Variants in DPP10 observed in about 807,000 individuals in gnomAD.
DPP10 encodes inactive dipeptidyl peptidase 10.
DPP10 carries 33 observed loss-of-function variants against 120.9 expected under a neutral mutation model. The ratio of observed to expected loss-of-function variants is 0.27; its 90% confidence interval spans 0.21 to 0.37. The LOEUF (loss-of-function observed/expected upper bound fraction) is 0.37. DPP10 is among the 10% of genes least tolerant of loss of function. The pLI is 1.00. For missense variants in DPP10, 816 were observed against 942.8 expected, an observed-to-expected ratio of 0.87 and a Z score of 1.76; for synonymous variants, 337 against 326.1, an observed-to-expected ratio of 1.03 and a Z score of -0.36.
At chr2:115,454,739 A>T (rs2073387924) in intron 3 of DPP10, among the ~76,000 whole-genome samples, 2 of 151,716 alleles carry the variant, frequency 1.3e-5, no homozygotes, top group African/African-American at 2.4e-5. Flanking sequence ...TAAAAAGGAA[A>T]AAAAAGCAAT....
chr2:114,912,688 C>G (rs1694457818), intron 1 of DPP10, among the ~76,000 whole-genome samples: 1 of 152,090 alleles, frequency 6.6e-6, no homozygotes, highest in Non-Finnish European at 1.5e-5. Context: ...TTGCTGAGCA[C>G]CAGGACTCAT....
intron 1 of DPP10, among the ~76,000 whole-genome samples, chr2:114,950,542 G>A (rs923998118): frequency 1.3e-5 from 2 of 151,312 alleles, no homozygotes; most frequent in African/African-American, 2.4e-5. Flanking sequence ...CCTGACCTGT[G>A]ATCTGCCCTC....
At chr2:114,906,243 G>C (rs1173384375) in intron 1 of DPP10, among the ~76,000 whole-genome samples, 1 of 151,984 alleles carries the variant, frequency 6.6e-6, no homozygotes, top group Admixed American at 6.6e-5. Flanking sequence ...AATTATTCCA[G>C]TGTGGTGGTG....
At chr2:115,619,557 G>A (rs1398834027) in intron 5 of DPP10, among the ~76,000 whole-genome samples, 1 of 152,052 alleles carries the variant, frequency 6.6e-6, no homozygotes, top group Non-Finnish European at 1.5e-5. Flanking sequence ...TACACTTACG[G>A]TTTCCTGACT....
chr2:114,451,946 G>C (rs144413898), intron 1 of DPP10, among the ~76,000 whole-genome samples: 43 of 152,202 alleles, frequency 2.8e-4, no homozygotes, highest in African/African-American at 1.0e-3. Flanking sequence ...AGAACAAAAG[G>C]TTTGTTCATT....
At chr2:114,704,559 C>A (rs1700574696) in intron 1 of DPP10, among the ~76,000 whole-genome samples, 1 of 152,180 alleles carries the variant, frequency 6.6e-6, no homozygotes, top group Non-Finnish European at 1.5e-5. Flanking sequence ...AGATTTCAAC[C>A]ATTTGCAGGG....
intron 1 of DPP10, among the ~76,000 whole-genome samples, chr2:115,046,822 T>C (rs1188347781): frequency 6.6e-6 from 1 of 152,096 alleles, no homozygotes; most frequent in African/African-American, 2.4e-5. Flanking sequence ...CAGGAAGTTA[T>C]TATACATCAA....
chr2:115,011,274 A>G (rs1345156303), intron 1 of DPP10, among the ~76,000 whole-genome samples: 1 of 152,178 alleles, frequency 6.6e-6, no homozygotes, highest in East Asian at 1.9e-4. Flanking sequence ...GGGGTGTTCC[A>G]GAAATGTCAA....
At chr2:115,608,617 A>C (rs2083873225) in intron 5 of DPP10, among the ~76,000 whole-genome samples, 3 of 152,296 alleles carry the variant, frequency 2.0e-5, no homozygotes, top group South Asian at 4.1e-4. Flanking sequence ...ATCATTCCTC[A>C]AACTATGTGA....
At chr2:115,156,257 G>C (rs1275140645) in intron 1 of DPP10, among the ~76,000 whole-genome samples, 1 of 152,180 alleles carries the variant, frequency 6.6e-6, no homozygotes, top group East Asian at 1.9e-4. Context: ...AGGAACCCAA[G>C]GACTTGGCCT....
Position 115,542,205 on chromosome 2 carries a change from C to T in DPP10, c.441+16233C>T, listed in dbSNP as rs147363012. The stretch of plus-strand genomic sequence containing the variant: ...ATACAGAACTGCTCTGTCACCACAA[C>T]GAAAATCTCTTTTGCTTCCCCTTTA... On this transcript the variant is annotated intron_variant, in intron 5 of 25. Coordinates refer to ENST00000410059, the MANE Select transcript of DPP10 (RefSeq NM_020868.6). 1.8e-4 allele frequency among the ~76,000 whole-genome samples: 27 copies of T among 151,994 alleles called. No homozygotes were observed. The East Asian group carries it at 1.9e-3, about 11-fold the overall frequency.
intron 1 of DPP10, among the ~76,000 whole-genome samples, chr2:114,501,933 CTTTTT>C (rs34369425): frequency 5.3e-5 from 5 of 94,048 alleles, no homozygotes; most frequent in African/African-American, 1.1e-4. Flanking sequence ...ATTGATATTC[CTTTTT>C]TTTTTTTTTT....
At chr2:114,589,600 C>A (rs1691290131) in intron 1 of DPP10, among the ~76,000 whole-genome samples, 1 of 152,126 alleles carries the variant, frequency 6.6e-6, no homozygotes, top group Admixed American at 6.5e-5. Flanking sequence ...CTGCTACAGA[C>A]TCTAAAAACC....
At position 114,777,404 on chromosome 2, in the gene DPP10, G is replaced by A. The variant is rs568794846; in HGVS notation, c.60+334566G>A. 4.8e-4 allele frequency among the ~76,000 whole-genome samples: 73 copies of A among 152,066 alleles called. 1 individual carries two copies. The highest frequency in any genetic ancestry group is 3.4e-3 in the Middle Eastern group (1 of 294). On this transcript the variant is annotated intron_variant, in intron 1 of 25. Coordinates refer to ENST00000410059, the MANE Select transcript of DPP10 (RefSeq NM_020868.6). ...TACATTTCTGAAGAGGGTTTTCAGG[G>A]CCCTTTTTTGAGTATTACTTTTGGA...
At chr2:115,516,426 C>T (rs2077505255) in intron 4 of DPP10, among the ~76,000 whole-genome samples, 1 of 151,980 alleles carries the variant, frequency 6.6e-6, no homozygotes, top group Non-Finnish European at 1.5e-5. Flanking sequence ...GATATCTCTG[C>T]TTATCAAAAG....
chr2:114,865,245 C>T (rs1690131756), intron 1 of DPP10, among the ~76,000 whole-genome samples: 1 of 152,056 alleles, frequency 6.6e-6, no homozygotes, highest in Admixed American at 6.6e-5. Context: ...GGCATTAAGC[C>T]CTGAATATTT....
At chr2:115,299,382 C>T (rs1036112258) in intron 1 of DPP10, among the ~76,000 whole-genome samples, 3 of 151,760 alleles carry the variant, frequency 2.0e-5, no homozygotes, top group Non-Finnish European at 4.4e-5. Context: ...TCACAGGAGC[C>T]AAGAAAATGT....
intron 1 of DPP10, among the ~76,000 whole-genome samples, chr2:114,562,822 C>G (rs1421727126): frequency 6.6e-6 from 1 of 152,062 alleles, no homozygotes; most frequent in African/African-American, 2.4e-5. Context: ...TGTAACCTTT[C>G]CAAATTGAGT....
chr2:115,110,805 T>C (rs2049178034), intron 1 of DPP10, among the ~76,000 whole-genome samples: 8 of 152,156 alleles, frequency 5.3e-5, no homozygotes, highest in Admixed American at 4.6e-4. Context: ...CTTTAGATAG[T>C]ATCATTTTAT....
Sources: gnomAD v4.1 joint callset for allele counts (sites outside exome capture counted in the v4.1 genomes callset) on GRCh38, gnomAD v4.1.1 for gene constraint, MANE v1.5 for transcripts, NCBI Gene and HGNC (gene_info 2026-07-23, HGNC 2026-07-21) for gene names.